The following RNF128 variants were observed in gnomAD, a reference collection of about 807,000 sequenced individuals.
The protein encoded by RNF128 is ring finger protein 128.
Under a neutral mutation model 26.2 loss-of-function variants are expected in RNF128, and 13 were observed. The observed-to-expected ratio is 0.50, with a 90% CI of 0.32 to 0.79. RNF128 has a LOEUF of 0.79. Ranked by LOEUF, RNF128 falls within the 30% of genes least tolerant of loss-of-function variation. RNF128 has a pLI of 0.03. For missense variants in RNF128, 315 were observed against 349.7 expected (o/e 0.90, Z 0.79); for synonymous variants, 149 against 142.5 (o/e 1.05, Z -0.32).
chrX:106,750,585 A>G (rs1401910744), intron 1 of RNF128, among the ~76,000 whole-genome samples: 1 of 111,720 alleles, frequency 9.0e-6, no homozygotes, highest in Non-Finnish European at 1.9e-5. Context: ...GAAATAAACA[A>G]AAACATCACT....
chrX:106,747,839 A>T, intron 1 of RNF128, among the ~76,000 whole-genome samples: 1 of 112,165 alleles, frequency 8.9e-6, no homozygotes. Flanking sequence ...AATTCATTTC[A>T]CTGGCTTGGA....
At chrX:106,793,903 C>T (rs748802554) in intron 6 of RNF128, among the ~76,000 whole-genome samples, 57 of 110,970 alleles carry the variant, frequency 5.1e-4, no homozygotes, top group African/African-American at 1.8e-3. Context: ...CCAGGTTTCT[C>T]CCTTTAAAGT....
At chrX:106,717,479 G>C (rs895307152) in intron 1 of RNF128, among the ~76,000 whole-genome samples, 1 of 111,740 alleles carries the variant, frequency 8.9e-6, no homozygotes, top group Non-Finnish European at 1.9e-5. Context: ...TAAAAACAAA[G>C]AGAGGACCCA....
At chrX:106,720,411 G>A (rs1478614526) in intron 1 of RNF128, among the ~76,000 whole-genome samples, 2 of 110,948 alleles carry the variant, frequency 1.8e-5, no homozygotes, top group African/African-American at 6.6e-5. Flanking sequence ...ACAGGATCTC[G>A]CTATGTTGCC....
At chrX:106,723,744 C>T (rs886974493), upstream of RNF128, among the ~76,000 whole-genome samples, 21 of 111,053 alleles carry the variant, frequency 1.9e-4, no homozygotes, top group African/African-American at 6.6e-4. Context: ...ATATAATATA[C>T]TCTTGCCTGT....
chrX:106,770,619 C>G (rs1419570155), intron 1 of RNF128, among the ~76,000 whole-genome samples: 3 of 111,543 alleles, frequency 2.7e-5, no homozygotes, highest in East Asian at 2.8e-4. Context: ...AAGGACTTCT[C>G]TACACTGTTT....
chrX:106,703,627 G>A (rs1928995178), intron 1 of RNF128, among the ~76,000 whole-genome samples: 1 of 111,424 alleles, frequency 9.0e-6, no homozygotes, highest in South Asian at 3.9e-4. Context: ...GGAGGGAAAT[G>A]TAGTCAGGGG....
chrX:106,748,563 T>C (rs1420125674), intron 1 of RNF128, among the ~76,000 whole-genome samples: 1 of 112,257 alleles, frequency 8.9e-6, no homozygotes, highest in South Asian at 3.7e-4. Context: ...AAATGTGGTA[T>C]GTGTACACAA....
At chrX:106,761,042 C>T (rs144668409) in intron 1 of RNF128, among the ~76,000 whole-genome samples, 1,899 of 111,556 alleles carry the variant, frequency 0.017, 19 homozygotes, top group Non-Finnish European at 0.026. Context: ...GTCTGATATC[C>T]GAAATCTTTA....
At chrX:106,768,719 C>G (rs1401461008) in intron 1 of RNF128, among the ~76,000 whole-genome samples, 1 of 111,250 alleles carries the variant, frequency 9.0e-6, no homozygotes, top group Non-Finnish European at 1.9e-5. Flanking sequence ...ATCTCCTTCT[C>G]TTCTGCTCTG....
intron 1 of RNF128, among the ~76,000 whole-genome samples, chrX:106,719,723 A>AT (rs1170122010): frequency 1.8e-5 from 2 of 110,370 alleles, no homozygotes; most frequent in African/African-American, 3.3e-5. Context: ...TATCTGTTCA[A>AT]TTTTTTACCA....
intron 6 of RNF128, among the ~76,000 whole-genome samples, chrX:106,794,512 G>A (rs998616386): frequency 7.2e-5 from 8 of 110,532 alleles, no homozygotes; most frequent in African/African-American, 2.6e-4. Context: ...CTGGCCCCTA[G>A]GCTAAAATCT....
At position 106,697,046 on chromosome X, in the gene RNF128, T is replaced by C. The variant is rs576317400; in HGVS notation, c.406+2638T>C. Among the ~76,000 whole-genome samples the C allele has an allele frequency of 6.3e-5, 7 of 111,805 alleles. 1 individual carries two copies. In the Middle Eastern group the frequency reaches 0.018, roughly 293 times the overall value. ...TCTTAATGTTAAACCAGGAAATTCC[T>C]GGGAAAATTGTGACAAGTTGGCCAC... On this transcript the variant is annotated intron_variant, in intron 1 of 6. Transcript: ENST00000324342.
chrX:106,723,854 T>C, upstream of RNF128, among the ~76,000 whole-genome samples: 1 of 111,172 alleles, frequency 9.0e-6, no homozygotes, highest in Admixed American at 9.6e-5. Context: ...TTCTCAGTCA[T>C]AACATGTATT....
At chrX:106,713,525 A>T (rs1929165384) in intron 1 of RNF128, among the ~76,000 whole-genome samples, 1 of 111,326 alleles carries the variant, frequency 9.0e-6, no homozygotes, top group Admixed American at 9.5e-5. Flanking sequence ...ATTAAAAGCA[A>T]ATCTTATTCT....
chrX:106,699,951 C>A (rs890685402), intron 1 of RNF128, among the ~76,000 whole-genome samples: 2 of 110,906 alleles, frequency 1.8e-5, no homozygotes, highest in African/African-American at 6.5e-5. Flanking sequence ...TCTATCAAAA[C>A]CTTCAGGTCG....
intron 4 of RNF128, among the ~76,000 whole-genome samples, chrX:106,788,475 G>A (rs1478584168): frequency 2.4e-5 from 1 of 41,992 alleles, no homozygotes; most frequent in Non-Finnish European, 3.9e-5. Flanking sequence ...TATTATAATT[G>A]TAATTATATA....
chrX:106,697,959 C>T (rs1928898994), intron 1 of RNF128, among the ~76,000 whole-genome samples: 1 of 107,587 alleles, frequency 9.3e-6, no homozygotes, highest in Non-Finnish European at 1.9e-5. Context: ...TTTTCATATT[C>T]TAGCTTACCA....
In RNF128 at chrX:106,773,209, A is replaced by T; in HGVS notation, c.732+49A>T. ...CTATTAAAAAAAATTTACTGTTCTA[A>T]TTGTAGTTTCAGGGTCCTGCATTTT... On this transcript the variant is annotated intron_variant, in intron 2 of 6. Transcript: ENST00000255499. 2.6e-6 allele frequency: 3 copies of T among 1,132,989 alleles called. No homozygotes were observed. The South Asian group carries it at 6.1e-5, about 23-fold the overall frequency. 93.4% of individuals were successfully genotyped at this position (1,132,989 alleles called of 1,213,427 possible). A position where few individuals can be genotyped will look rare whatever the true frequency, so the allele number is the denominator to read the frequency against.
Sources: gnomAD v4.1 joint callset for allele counts (sites outside exome capture counted in the v4.1 genomes callset) on GRCh38, gnomAD v4.1.1 for gene constraint, MANE v1.5 for transcripts, NCBI Gene and HGNC (gene_info 2026-07-23, HGNC 2026-07-21) for gene names.